NAA25: variants seen among roughly 807,000 people sequenced by gnomAD.
NAA25 encodes the protein N-alpha-acetyltransferase 25, NatB auxiliary subunit.
Under a neutral mutation model 132.5 loss-of-function variants are expected in NAA25, and 30 were observed. The ratio of observed to expected loss-of-function variants is 0.23; its 90% confidence interval spans 0.17 to 0.31. NAA25 has a LOEUF of 0.31. NAA25 is among the 10% of genes least tolerant of loss of function. NAA25 has a pLI of 1.00. For synonymous variants in NAA25, 359 were observed against 401.9 expected (o/e 0.89, Z 1.28); for missense variants, 771 against 1,150.4 (o/e 0.67, Z 4.77).
At position 112,044,119 on chromosome 12, in the gene NAA25, G is replaced by C. The variant is rs12830964; in HGVS notation, c.2007-251C>G. 7.2e-3 allele frequency among the ~76,000 whole-genome samples: 1,096 copies of C among 151,618 alleles called. 5 individuals are homozygous for C. Among genetic ancestry groups the C allele is most frequent in the Middle Eastern group, 0.014 (4 of 294 alleles). ...ATTTTTTTTTTGTATTTTTAGTAGA[G>C]ACGGGTTTTCACCGTGTTAGCCAGG... is the stretch of plus-strand genomic sequence containing the variant. On this transcript the variant is annotated intron_variant, in intron 17 of 23. Transcript: ENST00000261745.
intron 17 of NAA25, among the ~76,000 whole-genome samples, chr12:112,046,660 G>A (rs2078386219): frequency 6.6e-6 from 1 of 152,148 alleles, no homozygotes. Flanking sequence ...CTCCCTATAG[G>A]AAGACTGTAT....
chr12:112,044,805 G>A (rs1385360981), intron 17 of NAA25, among the ~76,000 whole-genome samples: 2 of 151,758 alleles, frequency 1.3e-5, no homozygotes, highest in East Asian at 1.9e-4. Context: ...ACTTTGGGAA[G>A]CTGAGGTGAG....
chr12:112,083,420 G>A (rs761358723), intron 4 of NAA25, among the ~76,000 whole-genome samples: 7 of 152,050 alleles, frequency 4.6e-5, no homozygotes, highest in Admixed American at 2.6e-4. Flanking sequence ...CAGGAGAATC[G>A]CTTGAACCCA....
In NAA25 at chr12:112,078,168, AG is replaced by A; in HGVS notation, c.664+19del. ...TAAATAGGAAAAAAAAAAAGCTTTA[AG>A]AAAATGTTTAAAAATTACCTCCTAA... On this transcript the variant is annotated intron_variant, in intron 7 of 23. Coordinates refer to ENST00000261745, the MANE Select transcript of NAA25 (RefSeq NM_024953.4). 1 of 1,535,546 alleles carries A rather than the reference AG, an allele frequency of 6.5e-7. No homozygotes were observed. Among genetic ancestry groups the A allele is most frequent in the Non-Finnish European group, 8.8e-7 (1 of 1,131,252 alleles).
chr12:112,043,143 C>G lies in NAA25; in HGVS notation c.2319G>C (p.Gln773His), dbSNP rs900674960. The stretch of plus-strand genomic sequence containing the variant: ...CATTGACAAGATAAAAAGAGCTTAT[C>G]TGGCACTGAGAACAGCCAGAATTAA... ...GFFNSGCSQCQISSFYLVNDI... is the reference protein window; with the variant it reads ...GFFNSGCSQCHISSFYLVNDI... Residue 773 changes from glutamine (Q) to histidine (H), a missense_variant, in exon 19 of 24, where the codon CAG becomes CAC. By Grantham distance (24) the Gln-to-His change is conservative (BLOSUM62 0). This residue lies in a region of NAA25 where 324 missense variants were observed against 400.0 expected (regional missense o/e 0.81). Coordinates refer to ENST00000261745, the MANE Select transcript of NAA25 (RefSeq NM_024953.4). 19 of 1,613,542 alleles carry G rather than the reference C, an allele frequency of 1.2e-5. No individual in the cohort carries two copies. The Middle Eastern group carries it at 6.6e-4, about 56-fold the overall frequency.
At chr12:112,078,565 GT>G in intron 6 of NAA25, 68 bp downstream of exon 6, 1 of 1,332,262 alleles carries the variant, frequency 7.5e-7, no homozygotes, top group Non-Finnish European at 1.1e-6. Context: ...ACAGTTCATA[GT>G]ATTATAACAT....
At chr12:112,030,549 A>T (rs1252859151) in intron 23 of NAA25, among the ~76,000 whole-genome samples, 6 of 152,212 alleles carry the variant, frequency 3.9e-5, no homozygotes, top group Admixed American at 2.6e-4. Flanking sequence ...AATATGAGTT[A>T]TTATTTGCTG....
At chr12:112,090,485 C>T in intron 3 of NAA25, 2 of 357,986 alleles carry the variant, frequency 5.6e-6, no homozygotes, top group East Asian at 4.5e-5. Context: ...AAGGGTGAAG[C>T]CTCCATTTAG....
intron 22 of NAA25, among the ~76,000 whole-genome samples, chr12:112,036,364 A>T (rs1045567078): frequency 1.3e-5 from 2 of 152,214 alleles, no homozygotes; most frequent in African/African-American, 4.8e-5. Context: ...CTAGTAGTGG[A>T]ACTGACGTAT....
At chr12:112,054,804 T>C (rs2136841386) in intron 13 of NAA25, among the ~76,000 whole-genome samples, 1 of 152,274 alleles carries the variant, frequency 6.6e-6, no homozygotes, top group Non-Finnish European at 1.5e-5. Flanking sequence ...ATGCAGATTT[T>C]AAGTGGCCAG....
Position 112,049,296 on chromosome 12 carries a change from A to C in NAA25, c.1729-853T>G, listed in dbSNP as rs1336134823. Among the ~76,000 whole-genome samples the C allele has an allele frequency of 6.6e-6, 1 of 152,238 alleles. No individual in the cohort carries two copies. Among genetic ancestry groups the C allele is most frequent in the Admixed American group, 6.5e-5 (1 of 15,290 alleles). ...GTGGGTCTATGCCATCAGGATCAGA[A>C]GACAGGAGATTACCCCTTTGGGCCA... On this transcript the variant is annotated intron_variant, in intron 15 of 23. Coordinates refer to ENST00000261745, the MANE Select transcript of NAA25 (RefSeq NM_024953.4). This position sits in a 1 kb window ranked among gnomAD's most constrained non-coding sequence, Gnocchi z 4.7.
In NAA25 at chr12:112,040,532, A is replaced by T; in HGVS notation, c.2487T>A (p.Gly829=). ...CKGDLLEVKD[G]NLKTHPTLLE... is the part of the protein sequence containing the mutation. The stretch of plus-strand genomic sequence containing the variant: ...AAAGAGTAGGATGTGTTTTCAAGTT[A>T]CCATCTTTAACTTCTAAGAGGTCAC... Residue 829 remains glycine (G), a synonymous_variant, in exon 21 of 24, where the codon GGT becomes GGA. Coordinates refer to ENST00000261745, the MANE Select transcript of NAA25 (RefSeq NM_024953.4). 1 of 1,605,898 alleles carries T rather than the reference A, an allele frequency of 6.2e-7. No homozygotes were observed. The highest frequency in any genetic ancestry group is 1.7e-5 in the Admixed American group (1 of 59,382).
chr12:112,103,077 C>A (rs2079317327), intron 1 of NAA25, among the ~76,000 whole-genome samples: 1 of 152,186 alleles, frequency 6.6e-6, no homozygotes, highest in Non-Finnish European at 1.5e-5. Context: ...GCCTCCGCCT[C>A]CCGGGTTCAA....
At chr12:112,072,163 T>C (rs1416427440) in intron 9 of NAA25, 99 bp from the exon 10 acceptor site, 1 of 827,648 alleles carries the variant, frequency 1.2e-6, no homozygotes, top group Non-Finnish European at 1.8e-6. Flanking sequence ...AAAACGACTT[T>C]GATAATATAA....
chr12:112,032,089 G>C, intron 23 of NAA25, among the ~76,000 whole-genome samples: 1 of 151,414 alleles, frequency 6.6e-6, no homozygotes, highest in Non-Finnish European at 1.5e-5. Context: ...TCAGCCTCCC[G>C]AGTAGCTGGG....
intron 11 of NAA25, among the ~76,000 whole-genome samples, chr12:112,062,849 C>T (rs1236096133): frequency 6.6e-6 from 1 of 152,070 alleles, no homozygotes; most frequent in African/African-American, 2.4e-5. Flanking sequence ...TCAAGATCAG[C>T]CTCGGCACAT....
At chr12:112,071,845 T>C in intron 10 of NAA25, 50 bp downstream of exon 10, 6 of 1,161,452 alleles carry the variant, frequency 5.2e-6, no homozygotes, top group Non-Finnish European at 6.6e-6. Context: ...AATATAGCAC[T>C]TGGGTATTAA....
rs1386379585 is a variant in NAA25 at position 112,028,628 on chromosome 12, A to ATG, written c.*901_*902dup. On this transcript the variant is annotated 3_prime_UTR_variant, in exon 24 of 24. Transcript: ENST00000261745. ...ATCTTAATTTTCAAGTCATATATATATGTGTATATATATATATGTATATAT... is the reference window on the plus strand; with the variant it reads ...ATCTTAATTTTCAAGTCATATATATATGTGTGTATATATATATATGTATATAT... 1 of 152,032 alleles carries ATG rather than the reference A, an allele frequency of 6.6e-6. No individual in the cohort carries two copies. Among genetic ancestry groups the ATG allele is most frequent in the African/African-American group, 2.4e-5 (1 of 41,400 alleles). The allele number at this position is 152,032 out of a possible 1,614,324, so 9.4% of individuals were successfully genotyped here.
intron 1 of NAA25, among the ~76,000 whole-genome samples, chr12:112,103,576 C>G (rs966773566): frequency 2.0e-4 from 30 of 152,152 alleles, no homozygotes; most frequent in African/African-American, 7.0e-4. Context: ...ATAGTCTTCA[C>G]TCACCAAGGT....
Sources: allele counts gnomAD v4.1 joint callset (sites outside exome capture counted in the v4.1 genomes callset), GRCh38; gene constraint gnomAD v4.1.1; regional missense constraint gnomAD v4.1.1; non-coding constraint Gnocchi (gnomAD v3.1); transcripts MANE v1.5; gene names NCBI Gene and HGNC (gene_info 2026-07-23, HGNC 2026-07-21).